The following DUSP15 variants were observed in gnomAD, a reference collection of about 807,000 sequenced individuals.
The protein encoded by DUSP15 is dual specificity phosphatase 15.
A neutral mutation model predicts 26.3 loss-of-function variants in DUSP15; 23 were observed. That is an observed-to-expected ratio of 0.87 (90% CI 0.63 to 1.24). The LOEUF (loss-of-function observed/expected upper bound fraction) is 1.24, where lower values mean the gene tolerates loss of function less well. Among genes scored for constraint, DUSP15 ranks in the 50% most tolerant of loss-of-function variants. DUSP15 has a pLI of 0.00. For synonymous variants in DUSP15, 143 were observed against 135.5 expected (o/e 1.06, Z -0.39); for missense variants, 364 against 320.6 (o/e 1.14, Z -1.03).
chr20:31,867,971 A>G (rs1351046872), intron 2 of DUSP15, among the ~76,000 whole-genome samples: 2 of 152,196 alleles, frequency 1.3e-5, no homozygotes, highest in African/African-American at 4.8e-5. Flanking sequence ...TTTTAAGGAT[A>G]CAGAATAAGC....
intron 6 of DUSP15, among the ~76,000 whole-genome samples, 197 bp from the exon 7 acceptor site, chr20:31,861,872 T>C (rs559642787): frequency 6.6e-6 from 1 of 151,798 alleles, no homozygotes; most frequent in Non-Finnish European, 1.5e-5. Flanking sequence ...TCTTCCCTTC[T>C]AGGAGGCCCC....
exon 8 of DUSP15, chr20:31,849,751 A>G (rs1461375276): frequency 6.5e-7 from 1 of 1,540,642 alleles, no homozygotes. Flanking sequence ...CTGCAACGTG[A>G]GGTGGCGGCC....
Position 31,849,876 on chromosome 20 carries a change from T to A in DUSP15, c.492-2A>T. ...AGAGCCACACGTGCAGCCAGCAGGC[T>A]GTGGGGCGAGAGAGGGTGCACGGGC... On this transcript the variant is annotated splice_acceptor_variant, in intron 7 of 9. Transcript: ENST00000278979. LOFTEE classifies it high-confidence loss of function. The A allele has an allele frequency of 6.7e-7, 1 of 1,493,116 alleles. No individual in the cohort carries two copies. The highest frequency in any genetic ancestry group is 2.3e-5 in the Admixed American group (1 of 44,268). 92.5% of individuals were successfully genotyped at this position (1,493,116 alleles called of 1,614,324 possible).
In DUSP15 at chr20:31,861,255, G is replaced by A. The variant is rs2123243994; in HGVS notation, c.*148C>T. 1.5e-6 allele frequency: 2 copies of A among 1,361,544 alleles called. No individual in the cohort carries two copies. Among genetic ancestry groups the A allele is most frequent in the Non-Finnish European group, 1.9e-6 (2 of 1,063,942 alleles). 84.3% of individuals were successfully genotyped at this position (1,361,544 alleles called of 1,614,324 possible). On this transcript the variant is annotated 3_prime_UTR_variant, in exon 7 of 7. Coordinates refer to ENST00000339738, the MANE Select transcript of DUSP15 (RefSeq NM_080611.5). The stretch of plus-strand genomic sequence containing the variant: ...CAGGTTGGGGACGCTGACTGCAGAC[G>A]CGGACGAGCAGGGCGGGCGCGGGAG...
chr20:31,849,065 G>T (rs1568654478), intron 8 of DUSP15, among the ~76,000 whole-genome samples: 2 of 151,996 alleles, frequency 1.3e-5, no homozygotes, highest in African/African-American at 4.8e-5. Context: ...ACGTTCCTAT[G>T]CCTGTCCCAT....
At chr20:31,863,683 C>A (rs1030337087) in intron 5 of DUSP15, 4 of 544,496 alleles carry the variant, frequency 7.3e-6, no homozygotes, top group Non-Finnish European at 1.3e-5. Flanking sequence ...CAGATGAGGA[C>A]ATTGAGTCTC....
chr20:31,862,169 C>G (rs902106365), intron 6 of DUSP15, among the ~76,000 whole-genome samples: 26 of 152,246 alleles, frequency 1.7e-4, no homozygotes, highest in African/African-American at 4.3e-4. Flanking sequence ...GACATTTCTA[C>G]GTAGCATCTG....
chr20:31,848,173 T>A (rs2123163082), exon 10 of DUSP15: 1 of 499,422 alleles, frequency 2.0e-6, no homozygotes, highest in East Asian at 3.6e-5. Flanking sequence ...GTTGCTGCCT[T>A]TCTGGGGCCT....
downstream of DUSP15, among the ~76,000 whole-genome samples, chr20:31,856,293 G>A (rs1209270626): frequency 6.6e-6 from 1 of 152,104 alleles, no homozygotes; most frequent in East Asian, 1.9e-4. Flanking sequence ...GCCAGGGAGG[G>A]GCAGTTCATG....
downstream of DUSP15, among the ~76,000 whole-genome samples, chr20:31,846,293 G>GACACACACACAC: frequency 7.1e-6 from 1 of 141,114 alleles, no homozygotes; most frequent in South Asian, 2.4e-4. Flanking sequence ...CACAGACACA[G>GACACACACACAC]ACACACACAC....
At chr20:31,869,285 G>C (rs1467626787) in intron 2 of DUSP15, among the ~76,000 whole-genome samples, 2 of 152,156 alleles carry the variant, frequency 1.3e-5, no homozygotes, top group Non-Finnish European at 2.9e-5. Flanking sequence ...CCTTTGCTCT[G>C]GCCCTTTGGT....
downstream of DUSP15, among the ~76,000 whole-genome samples, chr20:31,860,865 G>A (rs899879187): frequency 2.6e-5 from 4 of 152,182 alleles, no homozygotes; most frequent in Non-Finnish European, 5.9e-5. Context: ...TTGGGGGAGG[G>A]GAGATGTTAG....
At chr20:31,848,024 A>C (rs1249387706) in exon 10 of DUSP15, 1 of 177,142 alleles carries the variant, frequency 5.6e-6, no homozygotes, top group Non-Finnish European at 1.2e-5. Context: ...CACACTAAAC[A>C]ACCCTGATGA....
At chr20:31,859,142 C>T (rs1352628511), downstream of DUSP15, among the ~76,000 whole-genome samples, 1 of 152,120 alleles carries the variant, frequency 6.6e-6, no homozygotes, top group Non-Finnish European at 1.5e-5. Flanking sequence ...GGTGGTGGAG[C>T]CAGGAGCCAA....
At chr20:31,851,333 T>G (rs1600436402) in intron 6 of DUSP15, among the ~76,000 whole-genome samples, 1 of 149,922 alleles carries the variant, frequency 6.7e-6, no homozygotes, top group African/African-American at 2.5e-5. Flanking sequence ...GGCGGAAAGG[T>G]GATGGGGTGG....
At chr20:31,866,342 A>G (rs1020581581) in intron 3 of DUSP15, among the ~76,000 whole-genome samples, 9 of 152,196 alleles carry the variant, frequency 5.9e-5, no homozygotes, top group African/African-American at 2.2e-4. Flanking sequence ...GCATCTATTT[A>G]TGTGGTTCCC....
At chr20:31,867,021 G>A in intron 3 of DUSP15, 50 bp downstream of exon 3, 2 of 1,508,640 alleles carry the variant, frequency 1.3e-6, no homozygotes. Context: ...TGATAAACAG[G>A]TCTGCACCCT....
intron 3 of DUSP15, 84 bp from the exon 4 acceptor site, chr20:31,865,086 ACCC>A (rs1053320446): frequency 6.8e-7 from 1 of 1,479,304 alleles, no homozygotes; most frequent in African/African-American, 1.4e-5. Flanking sequence ...GCAGGGCATA[ACCC>A]CAGCCCAGTT....
At chr20:31,853,015 G>T (rs1410782536) in intron 6 of DUSP15, among the ~76,000 whole-genome samples, 1 of 152,222 alleles carries the variant, frequency 6.6e-6, no homozygotes, top group Admixed American at 6.5e-5. Flanking sequence ...CATTTGGGGA[G>T]GAATAGCTAG....
Sources: gnomAD v4.1 joint callset for allele counts (sites outside exome capture counted in the v4.1 genomes callset) on GRCh38, gnomAD v4.1.1 for gene constraint, MANE v1.5 for transcripts, NCBI Gene and HGNC (gene_info 2026-07-23, HGNC 2026-07-21) for gene names.